LCE1A: variants seen among roughly 807,000 people sequenced by gnomAD.
The protein encoded by LCE1A is late cornified envelope protein 1A.
For synonymous variants in LCE1A, 59 were observed against 53.8 expected (o/e 1.10, Z -0.43); for missense variants, 138 against 140.0 (o/e 0.99, Z 0.07).
chr1:152,827,621 G>A lies in LCE1A; in HGVS notation c.149G>A (p.Gly50Asp). The change falls in exon 1 of 1, where the codon GGC becomes GAC. Residue 50 changes from glycine (G) to aspartate (D), a missense_variant. Coordinates refer to ENST00000335123, the MANE Select transcript of LCE1A (RefSeq NM_178348.2). The stretch of plus-strand genomic sequence containing the variant: ...TCCTGCTGCAGTGTCAGCTCCGGAG[G>A]CTGCTGTGGCTCCAGCTCTGGGGGC... The part of the protein sequence containing the change: ...VSSCCSVSSG[G>D]CCGSSSGGGC... 6.2e-7 allele frequency: 1 copy of A among 1,613,880 alleles called. No homozygotes were observed. Among genetic ancestry groups the A allele is most frequent in the Non-Finnish European group, 8.5e-7 (1 of 1,179,960 alleles).
rs765347096 is a variant in LCE1A, at chr1:152,827,747, C to T, written c.275C>T (p.Ser92Leu). ...AGCTCTGGCTGCTGCAGCCAGCCCTCGGGAGGCTCCAGCTGCTGTGGAGGG... is the reference window on the plus strand; with the variant it reads ...AGCTCTGGCTGCTGCAGCCAGCCCTTGGGAGGCTCCAGCTGCTGTGGAGGG... The part of the protein sequence containing the change: ...LQSSGCCSQP[S>L]GGSSCCGGDS... The change falls in exon 1 of 1, where the codon TCG becomes TTG. Residue 92 changes from serine (S) to leucine (L), a missense_variant. By Grantham distance (145) the Ser-to-Leu change is moderately radical. Coordinates refer to ENST00000335123, the MANE Select transcript of LCE1A (RefSeq NM_178348.2). The T allele has an allele frequency of 2.4e-5, 39 of 1,613,124 alleles. No individual in the cohort carries two copies. Among genetic ancestry groups the T allele is most frequent in the East Asian group, 1.3e-4 (6 of 44,874 alleles).
Position 152,827,977 on chromosome 1 carries a change from C to T in LCE1A, c.*172C>T. The T allele has an allele frequency of 2.6e-6, 2 of 762,036 alleles. No homozygotes were observed. The highest frequency in any genetic ancestry group is 2.1e-5 in the South Asian group (1 of 48,386). 47.2% of individuals were successfully genotyped at this position (762,036 alleles called of 1,614,324 possible). A position where few individuals can be genotyped will look rare whatever the true frequency, so the allele number is the denominator to read the frequency against. On this transcript the variant is annotated 3_prime_UTR_variant, in exon 1 of 1. Coordinates refer to ENST00000335123, the MANE Select transcript of LCE1A (RefSeq NM_178348.2). ...GGGATCCAGAAACTTGATTCTTCTC[C>T]CACAAACCTATCTGCTGCCCCTGAC...
Position 152,827,648 on chromosome 1 carries a change from G to T in LCE1A, c.176G>T (p.Gly59Val), listed in dbSNP as rs137886860. ...TGCTGTGGCTCCAGCTCTGGGGGCG[G>T]CTGCAGCTCTGGGGGAGGTGGCTGC... The part of the protein sequence containing the change: ...GGCCGSSSGG[G>V]CSSGGGGCCL... The change falls in exon 1 of 1, where the codon GGC (glycine) becomes GTC (valine). Residue 59 changes from glycine to valine, a missense_variant. Transcript: ENST00000335123. 10,234 of 1,613,976 alleles carry T rather than the reference G, an allele frequency of 6.3e-3. 59 individuals carry two copies. Among genetic ancestry groups the T allele is most frequent in the South Asian group, 0.011 (965 of 91,064 alleles).
Position 152,827,777 on chromosome 1 carries a change from G to A in LCE1A, c.305G>A (p.Ser102Asn), listed in dbSNP as rs1239620151. The A allele has an allele frequency of 1.9e-6, 3 of 1,610,116 alleles. No individual in the cohort carries two copies. Among genetic ancestry groups the A allele is most frequent in the Non-Finnish European group, 2.5e-6 (3 of 1,177,620 alleles). ...GGCTCCAGCTGCTGTGGAGGGGACA[G>A]CGGCCAGCACTCTGGAGGCTGCTGC... ...SGGSSCCGGD[S>N]GQHSGGCC Residue 102 changes from serine (S) to asparagine (N), a missense_variant, in exon 1 of 1, where the codon AGC becomes AAC. By Grantham distance (46) the Ser-to-Asn change is conservative (BLOSUM62 1). Transcript: ENST00000335123.
In LCE1A at chr1:152,827,566, A is replaced by G. The variant is rs144705819; in HGVS notation, c.94A>G (p.Lys32Glu). 3.9e-4 allele frequency: 623 copies of G among 1,607,782 alleles called. No individual in the cohort carries two copies. The highest frequency in any genetic ancestry group is 5.1e-4 in the Non-Finnish European group (602 of 1,178,370). Residue 32 changes from lysine (K) to glutamate (E), a missense_variant, in exon 1 of 1, where the codon AAG (lysine) becomes GAG (glutamate). Lys to Glu is a moderately conservative substitution (Grantham distance 56, BLOSUM62 1). Transcript: ENST00000335123. ...PKCPTPKCPP[K>E]CPPKCPPVSS... ...GTGCCCCACTCCTAAGTGCCCCCCA[A>G]AGTGTCCCCCTAAGTGCCCTCCAGT...
chr1:152,827,600 G>C lies in LCE1A; in HGVS notation c.128G>C (p.Cys43Ser). The change falls in exon 1 of 1, where the codon TGC (cysteine) becomes TCC (serine). Residue 43 changes from cysteine (C) to serine (S), a missense_variant. Cys to Ser is a moderately radical substitution (Grantham distance 112, BLOSUM62 -1). Coordinates refer to ENST00000335123, the MANE Select transcript of LCE1A (RefSeq NM_178348.2). ...CPPKCPPVSS[C>S]CSVSSGGCCG... is the part of the protein sequence containing the mutation. Reference sequence around the variant, plus strand: ...CCTAAGTGCCCTCCAGTCTCTTCCTGCTGCAGTGTCAGCTCCGGAGGCTGC... The same window carrying C: ...CCTAAGTGCCCTCCAGTCTCTTCCTCCTGCAGTGTCAGCTCCGGAGGCTGC... The C allele has an allele frequency of 6.2e-7, 1 of 1,610,920 alleles. No individual in the cohort carries two copies.
In LCE1A at chr1:152,827,873, TCTC is replaced by T; in HGVS notation, c.*74_*76del. 6.8e-7 allele frequency: 1 copy of T among 1,471,758 alleles called. No homozygotes were observed. The allele number at this position is 1,471,758 out of a possible 1,614,324, so 91.2% of individuals were successfully genotyped here. On this transcript the variant is annotated 3_prime_UTR_variant, in exon 1 of 1. Transcript: ENST00000335123. The stretch of plus-strand genomic sequence containing the variant: ...TGATCAAACATTTCCTCCTCACCTG[TCTC>T]CTCCTGGGCCTGCAAGAGTGGCTGA...
Position 152,827,718 on chromosome 1 carries a change from C to T in LCE1A, c.246C>T (p.Leu82=). 1 of 1,613,888 alleles carries T rather than the reference C, an allele frequency of 6.2e-7. No homozygotes were observed. The highest frequency in any genetic ancestry group is 8.5e-7 in the Non-Finnish European group (1 of 1,179,974). The change falls in exon 1 of 1, where the codon CTC becomes CTT. Residue 82 remains leucine, a synonymous_variant. Coordinates refer to ENST00000335123, the MANE Select transcript of LCE1A (RefSeq NM_178348.2). ...HRRHRSHRHR[L]QSSGCCSQPS... is the part of the protein sequence containing the mutation. ...GCCACAGGTCCCACCGTCACAGACTCCAGAGCTCTGGCTGCTGCAGCCAGC... is the reference window on the plus strand; with the variant it reads ...GCCACAGGTCCCACCGTCACAGACTTCAGAGCTCTGGCTGCTGCAGCCAGC...
Position 152,827,868 on chromosome 1 carries a change from A to G in LCE1A, c.*63A>G. 1 of 1,482,074 alleles carries G rather than the reference A, an allele frequency of 6.7e-7. No homozygotes were observed. Among genetic ancestry groups the G allele is most frequent in the South Asian group, 1.4e-5 (1 of 71,874 alleles). The allele number at this position is 1,482,074 out of a possible 1,614,324, so 91.8% of individuals were successfully genotyped here. On this transcript the variant is annotated 3_prime_UTR_variant, in exon 1 of 1. Coordinates refer to ENST00000335123, the MANE Select transcript of LCE1A (RefSeq NM_178348.2). ...ATGAGTGATCAAACATTTCCTCCTC[A>G]CCTGTCTCCTCCTGGGCCTGCAAGA... is the stretch of plus-strand genomic sequence containing the variant.
Position 152,827,647 on chromosome 1 carries a change from G to A in LCE1A, c.175G>A (p.Gly59Ser), listed in dbSNP as rs141081392. Residue 59 changes from glycine (G) to serine (S), a missense_variant, in exon 1 of 1, where the codon GGC (glycine) becomes AGC (serine). Gly to Ser is a moderately conservative substitution (Grantham distance 56). Transcript: ENST00000335123. The part of the protein sequence containing the change: ...GGCCGSSSGG[G>S]CSSGGGGCCL... ...CTGCTGTGGCTCCAGCTCTGGGGGC[G>A]GCTGCAGCTCTGGGGGAGGTGGCTG... 1.3e-4 allele frequency: 214 copies of A among 1,612,780 alleles called. No individual in the cohort carries two copies. Among genetic ancestry groups the A allele is most frequent in the East Asian group, 1.1e-4 (5 of 44,846 alleles).
rs1647390969 is a variant in LCE1A at position 152,827,645 on chromosome 1, G to A, written c.173G>A (p.Gly58Asp). The change falls in exon 1 of 1, where the codon GGC becomes GAC. Residue 58 changes from glycine (G) to aspartate (D), a missense_variant. Gly to Asp is a moderately conservative substitution (Grantham distance 94, BLOSUM62 -1). Coordinates refer to ENST00000335123, the MANE Select transcript of LCE1A (RefSeq NM_178348.2). ...SGGCCGSSSGGGCSSGGGGCC... is the reference protein window; with the variant it reads ...SGGCCGSSSGDGCSSGGGGCC... ...GGCTGCTGTGGCTCCAGCTCTGGGG[G>A]CGGCTGCAGCTCTGGGGGAGGTGGC... 1.9e-6 allele frequency: 3 copies of A among 1,614,014 alleles called. No individual in the cohort carries two copies. Among genetic ancestry groups the A allele is most frequent in the African/African-American group, 1.3e-5 (1 of 75,006 alleles).
chr1:152,827,659 G>A lies in LCE1A; in HGVS notation c.187G>A (p.Gly63Arg), dbSNP rs375353288. 3.1e-6 allele frequency: 5 copies of A among 1,613,892 alleles called. No individual in the cohort carries two copies. The highest frequency in any genetic ancestry group is 2.7e-5 in the African/African-American group (2 of 74,898). The change falls in exon 1 of 1, where the codon GGG (glycine) becomes AGG (arginine). Residue 63 changes from glycine to arginine, a missense_variant. Gly to Arg is a moderately radical substitution (Grantham distance 125). Coordinates refer to ENST00000335123, the MANE Select transcript of LCE1A (RefSeq NM_178348.2). The part of the protein sequence containing the change: ...GSSSGGGCSS[G>R]GGGCCLSHHR... ...CAGCTCTGGGGGCGGCTGCAGCTCT[G>A]GGGGAGGTGGCTGCTGCCTGAGCCA...
Position 152,827,827 on chromosome 1 carries a change from A to T in LCE1A, c.*22A>T. ...CTGAAGCGGACTCTGCACCTAGAAGAGCAGACTCGGGTGAAATGAGTGATC... is the reference window on the plus strand; with the variant it reads ...CTGAAGCGGACTCTGCACCTAGAAGTGCAGACTCGGGTGAAATGAGTGATC... On this transcript the variant is annotated 3_prime_UTR_variant, in exon 1 of 1. Transcript: ENST00000335123. The T allele has an allele frequency of 6.4e-7, 1 of 1,556,124 alleles. No homozygotes were observed. Among genetic ancestry groups the T allele is most frequent in the Non-Finnish European group, 8.7e-7 (1 of 1,153,062 alleles).
Position 152,827,933 on chromosome 1 carries a change from T to A in LCE1A, c.*128T>A. 1 of 1,095,146 alleles carries A rather than the reference T, an allele frequency of 9.1e-7. No homozygotes were observed. Among genetic ancestry groups the A allele is most frequent in the Non-Finnish European group, 1.3e-6 (1 of 776,862 alleles). The allele number at this position is 1,095,146 out of a possible 1,614,324, so 67.8% of individuals were successfully genotyped here. A position where few individuals can be genotyped will look rare whatever the true frequency, so the allele number is the denominator to read the frequency against. Reference sequence around the variant, plus strand: ...CGCGTGAAGGCTCTGAGCTCTGGCCTAGAGGATCCCTCTGCCCTGGGATCC... The same window carrying A: ...CGCGTGAAGGCTCTGAGCTCTGGCCAAGAGGATCCCTCTGCCCTGGGATCC... On this transcript the variant is annotated 3_prime_UTR_variant, in exon 1 of 1. Transcript: ENST00000335123.
In LCE1A at chr1:152,827,893, A is replaced by T. The variant is rs1647402793; in HGVS notation, c.*88A>T. On this transcript the variant is annotated 3_prime_UTR_variant, in exon 1 of 1. Coordinates refer to ENST00000335123, the MANE Select transcript of LCE1A (RefSeq NM_178348.2). Reference sequence around the variant, plus strand: ...ACCTGTCTCCTCCTGGGCCTGCAAGAGTGGCTGAGATGCCCGCGTGAAGGC... The same window carrying T: ...ACCTGTCTCCTCCTGGGCCTGCAAGTGTGGCTGAGATGCCCGCGTGAAGGC... 1 of 1,409,682 alleles carries T rather than the reference A, an allele frequency of 7.1e-7. No homozygotes were observed. The highest frequency in any genetic ancestry group is 2.8e-5 in the Admixed American group (1 of 36,214). The allele number at this position is 1,409,682 out of a possible 1,614,324, so 87.3% of individuals were successfully genotyped here. A position where few individuals can be genotyped will look rare whatever the true frequency, so the allele number is the denominator to read the frequency against.
chr1:152,827,975 TC>T lies in LCE1A; in HGVS notation c.*173del. On this transcript the variant is annotated 3_prime_UTR_variant, in exon 1 of 1. Transcript: ENST00000335123. ...CTGGGATCCAGAAACTTGATTCTTC[TC>T]CCACAAACCTATCTGCTGCCCCTGA... The T allele has an allele frequency of 1.3e-6, 1 of 781,738 alleles. No individual in the cohort carries two copies. The highest frequency in any genetic ancestry group is 2.0e-5 in the South Asian group (1 of 49,166). The allele number at this position is 781,738 out of a possible 1,614,324, so 48.4% of individuals were successfully genotyped here. A position where few individuals can be genotyped will look rare whatever the true frequency, so the allele number is the denominator to read the frequency against.
In LCE1A at chr1:152,828,082, A is replaced by G. The variant is rs578090570; in HGVS notation, c.*277A>G. The stretch of plus-strand genomic sequence containing the variant: ...ATTTCCTGCAGCCTCAAGTGAAACA[A>G]TAAAGCAAAAGATCTTCTTGCCACT... On this transcript the variant is annotated 3_prime_UTR_variant, in exon 1 of 1. Transcript: ENST00000335123. 6.6e-6 allele frequency among the ~76,000 whole-genome samples: 1 copy of G among 152,344 alleles called. No individual in the cohort carries two copies. The highest frequency in any genetic ancestry group is 2.1e-4 in the South Asian group (1 of 4,830).
In LCE1A at chr1:152,828,019, A is replaced by G. The variant is rs1570876347; in HGVS notation, c.*214A>G. The G allele has an allele frequency of 3.5e-6, 2 of 575,440 alleles. No individual in the cohort carries two copies. The highest frequency in any genetic ancestry group is 1.9e-5 in the African/African-American group (1 of 53,206). The allele number at this position is 575,440 out of a possible 1,614,324, so 35.6% of individuals were successfully genotyped here. A position where few individuals can be genotyped will look rare whatever the true frequency, so the allele number is the denominator to read the frequency against. ...GCCCCTGACACCAACTGTGTTGTCT[A>G]CTCTGGGATCCCAAGCCACAAACTC... On this transcript the variant is annotated 3_prime_UTR_variant, in exon 1 of 1. Coordinates refer to ENST00000335123, the MANE Select transcript of LCE1A (RefSeq NM_178348.2).
rs1343829950 is a variant in LCE1A, at chr1:152,827,782, C to A, written c.310C>A (p.Gln104Lys). 6.2e-7 allele frequency: 1 copy of A among 1,606,820 alleles called. No homozygotes were observed. Among genetic ancestry groups the A allele is most frequent in the Admixed American group, 1.7e-5 (1 of 59,118 alleles). Residue 104 changes from glutamine to lysine, a missense_variant, in exon 1 of 1, where the codon CAG (glutamine) becomes AAG (lysine). Transcript: ENST00000335123. ...CAGCTGCTGTGGAGGGGACAGCGGC[C>A]AGCACTCTGGAGGCTGCTGCTGAAG... The part of the protein sequence containing the change: ...GSSCCGGDSG[Q>K]HSGGCC
Sources: gnomAD v4.1 joint callset for allele counts (sites outside exome capture counted in the v4.1 genomes callset) on GRCh38, gnomAD v4.1.1 for gene constraint, MANE v1.5 for transcripts, NCBI Gene and HGNC (gene_info 2026-07-23, HGNC 2026-07-21) for gene names.